STXBP5L: variants seen among roughly 807,000 people sequenced by gnomAD.
STXBP5L encodes syntaxin-binding protein 5-like.
Under a neutral mutation model 144.5 loss-of-function variants are expected in STXBP5L, and 65 were observed. The ratio of observed to expected loss-of-function variants is 0.45; its 90% CI spans 0.37 to 0.55. The LOEUF (loss-of-function observed/expected upper bound fraction) is 0.55. Ranked by LOEUF, STXBP5L falls within the 20% of genes least tolerant of loss-of-function variation. STXBP5L has a pLI of 0.00. For missense variants in STXBP5L, 1,298 were observed against 1,405.5 expected, an observed-to-expected ratio of 0.92 and a Z score of 1.22; for synonymous variants, 505 against 469.6, an observed-to-expected ratio of 1.08 and a Z score of -0.97.
At position 120,909,575 on chromosome 3, in the gene STXBP5L, T is replaced by A; in HGVS notation, c.-4T>A. 1 of 1,612,468 alleles carries A rather than the reference T, an allele frequency of 6.2e-7. No homozygotes were observed. The highest frequency in any genetic ancestry group is 1.3e-5 in the African/African-American group (1 of 74,906). ...TTCCTTTGTATTTCTCAACAGTGTT[T>A]AAAATGAAGAAGTTTAATTTCCGAA... On this transcript the variant is annotated 5_prime_UTR_variant, in exon 2 of 27. Coordinates refer to ENST00000471454, the MANE Select transcript of STXBP5L (RefSeq NM_001308330.2).
intron 20 of STXBP5L, among the ~76,000 whole-genome samples, chr3:121,326,242 A>C (rs2044141576): frequency 6.6e-6 from 1 of 151,978 alleles, no homozygotes; most frequent in Non-Finnish European, 1.5e-5. Flanking sequence ...CTCTTTACCC[A>C]GTTGTATCTT....
intron 18 of STXBP5L, among the ~76,000 whole-genome samples, chr3:121,266,811 C>T (rs2050580913): frequency 6.6e-6 from 1 of 152,126 alleles, no homozygotes; most frequent in South Asian, 2.1e-4. Context: ...GCAAAAATCA[C>T]TACAATTCCT....
intron 7 of STXBP5L, among the ~76,000 whole-genome samples, chr3:121,122,504 T>A (rs1177048491): frequency 1.3e-5 from 2 of 151,358 alleles, no homozygotes; most frequent in Non-Finnish European, 3.0e-5. Flanking sequence ...AAATACAGTG[T>A]TATATTGGTA....
intron 20 of STXBP5L, among the ~76,000 whole-genome samples, chr3:121,328,773 A>G (rs910787249): frequency 1.3e-5 from 2 of 151,918 alleles, no homozygotes; most frequent in Non-Finnish European, 2.9e-5. Flanking sequence ...AAAATAAACT[A>G]GGCTTCGCTT....
intron 23 of STXBP5L, among the ~76,000 whole-genome samples, chr3:121,412,584 A>G (rs1324097110): frequency 2.6e-5 from 4 of 152,058 alleles, no homozygotes; most frequent in African/African-American, 9.7e-5. Context: ...TCCTTTTATT[A>G]TCACCCTCAT....
In STXBP5L at chr3:121,289,948, C is replaced by T. The variant is rs143129257; in HGVS notation, c.2110+9992C>T. Among the ~76,000 whole-genome samples the T allele has an allele frequency of 2.2e-3, 338 of 152,038 alleles. 2 individuals carry two copies. Among genetic ancestry groups the T allele is most frequent in the African/African-American group, 7.7e-3 (319 of 41,476 alleles). ...GAGTTCATAGCATTAATGCCTACAT[C>T]AAAAAGTCTGAAAGAGCACAAATAG... On this transcript the variant is annotated intron_variant, in intron 19 of 26. Transcript: ENST00000471454.
chr3:120,994,717 C>A (rs574741129), intron 3 of STXBP5L, among the ~76,000 whole-genome samples: 10 of 152,096 alleles, frequency 6.6e-5, no homozygotes, highest in African/African-American at 2.2e-4. Flanking sequence ...CTTTTTTCAT[C>A]ATGAGTAATG....
At chr3:121,009,075 G>T (rs954691852) in intron 3 of STXBP5L, among the ~76,000 whole-genome samples, 1 of 151,962 alleles carries the variant, frequency 6.6e-6, no homozygotes, top group South Asian at 2.1e-4. Flanking sequence ...CATAACATTG[G>T]TTCCATGCGT....
chr3:121,132,018 G>A (rs2045013115), intron 7 of STXBP5L, among the ~76,000 whole-genome samples: 1 of 152,140 alleles, frequency 6.6e-6, no homozygotes, highest in Non-Finnish European at 1.5e-5. Flanking sequence ...TCACCTAAGG[G>A]AGGTAAGAAC....
chr3:120,969,304 G>A (rs1347027528), intron 3 of STXBP5L, among the ~76,000 whole-genome samples: 1 of 150,974 alleles, frequency 6.6e-6, no homozygotes, highest in Non-Finnish European at 1.5e-5. Flanking sequence ...GTGATGTTGA[G>A]TGTTTTTTCA....
At chr3:121,365,968 T>A (rs979226021) in intron 20 of STXBP5L, among the ~76,000 whole-genome samples, 1 of 151,948 alleles carries the variant, frequency 6.6e-6, no homozygotes, top group Non-Finnish European at 1.5e-5. Context: ...TGTATTTTTG[T>A]TTTCATTTAT....
At chr3:121,043,305 A>G (rs1947285330) in intron 4 of STXBP5L, among the ~76,000 whole-genome samples, 1 of 152,252 alleles carries the variant, frequency 6.6e-6, no homozygotes. Context: ...ATGAACCTAG[A>G]CACTGTGGTG....
chr3:121,225,709 C>T (rs1266804899), intron 11 of STXBP5L, among the ~76,000 whole-genome samples: 1 of 152,170 alleles, frequency 6.6e-6, no homozygotes, highest in Non-Finnish European at 1.5e-5. Context: ...GGCTAAATGC[C>T]ACACCACAAA....
intron 20 of STXBP5L, among the ~76,000 whole-genome samples, chr3:121,334,014 G>A (rs1350383361): frequency 1.3e-5 from 2 of 152,036 alleles, no homozygotes; most frequent in Admixed American, 6.6e-5. Flanking sequence ...CCCCCATACT[G>A]CTCTCGTGGG....
Position 121,209,136 on chromosome 3 carries a change from GTA to G in STXBP5L, c.956+3139_956+3140del, listed in dbSNP as rs1223019209. ...TAGCTGCACAGTATTATTCCATGGT[GTA>G]TATGTGCTACATTTTCGTTATCCAA... On this transcript the variant is annotated intron_variant, in intron 10 of 26. Transcript: ENST00000471454. Among the ~76,000 whole-genome samples, 3 of 152,308 alleles carry G rather than the reference GTA, an allele frequency of 2.0e-5. No individual in the cohort carries two copies. In the East Asian group the frequency reaches 5.8e-4, roughly 29 times the overall value.
chr3:121,267,984 G>T (rs1445569305), intron 18 of STXBP5L, among the ~76,000 whole-genome samples: 1 of 152,052 alleles, frequency 6.6e-6, no homozygotes, highest in Non-Finnish European at 1.5e-5. Context: ...TCAACCATTG[G>T]GGAAGACAGT....
intron 2 of STXBP5L, among the ~76,000 whole-genome samples, chr3:120,917,880 C>T (rs1193982788): frequency 2.0e-5 from 3 of 152,122 alleles, no homozygotes; most frequent in African/African-American, 7.2e-5. Context: ...TTTTGTATTG[C>T]TGCTTCAATT....
chr3:121,083,578 G>A (rs1576892757), intron 5 of STXBP5L, among the ~76,000 whole-genome samples: 1 of 151,972 alleles, frequency 6.6e-6, no homozygotes, highest in African/African-American at 2.4e-5. Flanking sequence ...CAGGAGAATT[G>A]CTTGAACCTG....
chr3:121,090,139 C>T (rs2042705209), intron 5 of STXBP5L, among the ~76,000 whole-genome samples: 2 of 152,048 alleles, frequency 1.3e-5, no homozygotes, highest in African/African-American at 4.8e-5. Flanking sequence ...AAATTAAAAC[C>T]TGGACATTCC....
Sources: allele counts gnomAD v4.1 joint callset (sites outside exome capture counted in the v4.1 genomes callset), GRCh38; gene constraint gnomAD v4.1.1; transcripts MANE v1.5; gene names NCBI Gene and HGNC (gene_info 2026-07-23, HGNC 2026-07-21).